The following SSUH2 variants were observed in gnomAD, a reference collection of about 807,000 sequenced individuals.
The protein encoded by SSUH2 is ssu-2 homolog.
SSUH2 carries 47 observed loss-of-function variants against 55.3 expected under a neutral mutation model. The observed-to-expected ratio is 0.85, with a 90% confidence interval of 0.67 to 1.08. SSUH2 has a LOEUF of 1.08. Among genes scored for constraint, SSUH2 ranks in the 50% least tolerant of loss-of-function variants. The pLI is 0.00. For synonymous variants in SSUH2, 212 were observed against 191.5 expected (o/e 1.11, Z -0.89); for missense variants, 535 against 490.7 (o/e 1.09, Z -0.85).
chr3:8,651,599 A>G (rs1702418438), intron 7 of SSUH2, among the ~76,000 whole-genome samples: 1 of 152,132 alleles, frequency 6.6e-6, no homozygotes, highest in Non-Finnish European at 1.5e-5. Flanking sequence ...ACATGTTATT[A>G]AAGAGCTTTG....
chr3:8,644,337 G>A lies in SSUH2; in HGVS notation c.28+394C>T, dbSNP rs186442333. Reference sequence around the variant, plus strand: ...CACTTAGATTTGGCTGGGAGCAGGAGACACTGTCAACTAGAGAAAAGAAGA... The same window carrying A: ...CACTTAGATTTGGCTGGGAGCAGGAAACACTGTCAACTAGAGAAAAGAAGA... On this transcript the variant is annotated intron_variant, in intron 1 of 11. Transcript: ENST00000544814. Among the ~76,000 whole-genome samples, 15 of 152,298 alleles carry A rather than the reference G, an allele frequency of 9.8e-5. No homozygotes were observed. In the East Asian group the frequency reaches 2.3e-3, roughly 24 times the overall value.
chr3:8,639,218 T>C (rs2125237561), intron 1 of SSUH2, among the ~76,000 whole-genome samples: 1 of 152,342 alleles, frequency 6.6e-6, no homozygotes, highest in African/African-American at 2.4e-5. Flanking sequence ...GCCACATTGC[T>C]GTTCCCATGG....
intron 11 of SSUH2, among the ~76,000 whole-genome samples, chr3:8,622,151 G>C (rs1374239908): frequency 6.6e-6 from 1 of 152,156 alleles, no homozygotes. Context: ...CTCATGGCTG[G>C]ATTTCGGCTC....
At chr3:8,646,935 G>C (rs192839921), upstream of SSUH2, among the ~76,000 whole-genome samples, 10 of 152,342 alleles carry the variant, frequency 6.6e-5, no homozygotes, top group African/African-American at 1.9e-4. Flanking sequence ...TGTCCTGCAT[G>C]TGCTAAGTGC....
At chr3:8,645,920 A>G (rs1382781753), upstream of SSUH2, among the ~76,000 whole-genome samples, 1 of 152,174 alleles carries the variant, frequency 6.6e-6, no homozygotes, top group Non-Finnish European at 1.5e-5. Flanking sequence ...ACAATTTCAC[A>G]AATGCTTCTT....
chr3:8,674,011 G>A (rs1479702302), intron 3 of SSUH2, among the ~76,000 whole-genome samples: 1 of 152,316 alleles, frequency 6.6e-6, no homozygotes, highest in Non-Finnish European at 1.5e-5. Context: ...GTCAAAGCGC[G>A]GAACACGTTA....
chr3:8,653,136 T>C (rs1702594224), intron 7 of SSUH2, among the ~76,000 whole-genome samples: 1 of 152,242 alleles, frequency 6.6e-6, no homozygotes, highest in South Asian at 2.1e-4. Flanking sequence ...TGGAGATGTA[T>C]GTCATCCAAC....
chr3:8,676,150 A>G (rs1311841220), intron 3 of SSUH2, among the ~76,000 whole-genome samples: 2 of 151,972 alleles, frequency 1.3e-5, no homozygotes, highest in Admixed American at 1.3e-4. Flanking sequence ...TGTTTACCAT[A>G]TTGTGAGTAA....
intron 11 of SSUH2, among the ~76,000 whole-genome samples, chr3:8,622,484 A>G (rs1267953574): frequency 6.6e-6 from 1 of 152,144 alleles, no homozygotes; most frequent in African/African-American, 2.4e-5. Context: ...GTTTTCATCT[A>G]AAAATCTGGA....
chr3:8,640,035 TCA>T, intron 1 of SSUH2: 1 of 983,736 alleles, frequency 1.0e-6, no homozygotes, highest in Non-Finnish European at 1.2e-6. Flanking sequence ...GTGGTCAAAC[TCA>T]CACACACAAA....
intron 6 of SSUH2, among the ~76,000 whole-genome samples, chr3:8,661,636 C>T (rs1211821972): frequency 6.6e-6 from 1 of 152,212 alleles, no homozygotes; most frequent in Non-Finnish European, 1.5e-5. Context: ...AATAGCCAGA[C>T]AATCAAGGTT....
chr3:8,624,416 G>C (rs1697098661), intron 10 of SSUH2, among the ~76,000 whole-genome samples: 2 of 152,196 alleles, frequency 1.3e-5, no homozygotes, highest in Admixed American at 1.3e-4. Flanking sequence ...AGCCCAGGGG[G>C]AAATCCCTAA....
rs192108762 is a variant in SSUH2, at chr3:8,635,255, G to A, written c.209+45C>T. 544 of 1,470,758 alleles carry A rather than the reference G, an allele frequency of 3.7e-4. 2 individuals carry two copies. Among genetic ancestry groups the A allele is most frequent in the African/African-American group, 2.4e-3 (172 of 71,730 alleles). The allele number at this position is 1,470,758 out of a possible 1,614,324, so 91.1% of individuals were successfully genotyped here. A position where few individuals can be genotyped will look rare whatever the true frequency, so the allele number is the denominator to read the frequency against. On this transcript the variant is annotated intron_variant, in intron 3 of 11. Coordinates refer to ENST00000544814, the MANE Select transcript of SSUH2 (RefSeq NM_001256748.3). ...GCTGAGATCCTCAAGGGGCAATAGT[G>A]ACATAGGAAATGCACACAGTCACAG...
At chr3:8,635,722 G>A in intron 2 of SSUH2, 37 bp downstream of exon 2, 4 of 1,512,718 alleles carry the variant, frequency 2.6e-6, no homozygotes, top group Non-Finnish European at 3.5e-6. Flanking sequence ...TGAGCCCTAG[G>A]TAGAAGCCCA....
intron 6 of SSUH2, among the ~76,000 whole-genome samples, chr3:8,660,011 G>A (rs547611210): frequency 2.6e-5 from 4 of 152,242 alleles, no homozygotes; most frequent in South Asian, 4.1e-4. Context: ...TTGACCTAAC[G>A]TTCTTCCCAT....
At chr3:8,681,214 C>T (rs1705922207) in intron 1 of SSUH2, among the ~76,000 whole-genome samples, 1 of 150,496 alleles carries the variant, frequency 6.6e-6, no homozygotes, top group African/African-American at 2.4e-5. Flanking sequence ...CCCCTCTTCC[C>T]CCCCTGGCTC....
chr3:8,635,073 C>A (rs1038186729), intron 3 of SSUH2, among the ~76,000 whole-genome samples: 1 of 152,154 alleles, frequency 6.6e-6, no homozygotes, highest in Non-Finnish European at 1.5e-5. Context: ...GAGTTTGCAA[C>A]CCTGATCTAG....
intron 7 of SSUH2, among the ~76,000 whole-genome samples, chr3:8,657,776 T>C (rs1191473651): frequency 6.6e-6 from 1 of 152,140 alleles, no homozygotes; most frequent in Admixed American, 6.5e-5. Flanking sequence ...CATGGAGGAT[T>C]CAGTTCTGTA....
At chr3:8,657,948 G>A (rs997655504) in intron 7 of SSUH2, among the ~76,000 whole-genome samples, 5 of 152,248 alleles carry the variant, frequency 3.3e-5, no homozygotes, top group South Asian at 2.1e-4. Context: ...GGGCAGGACC[G>A]TAGGCACCCT....
Sources: gnomAD v4.1 joint callset for allele counts (sites outside exome capture counted in the v4.1 genomes callset) on GRCh38, gnomAD v4.1.1 for gene constraint, MANE v1.5 for transcripts, NCBI Gene and HGNC (gene_info 2026-07-23, HGNC 2026-07-21) for gene names.